The following EEPD1 variants were observed in gnomAD, a reference collection of about 807,000 sequenced individuals.
The protein encoded by EEPD1 is endonuclease/exonuclease/phosphatase family domain-containing protein 1.
EEPD1 carries 17 observed loss-of-function variants against 46.3 expected under a neutral mutation model. The ratio of observed to expected loss-of-function variants is 0.37; its 90% CI spans 0.25 to 0.55. The LOEUF (loss-of-function observed/expected upper bound fraction) is 0.55. Ranked by LOEUF, EEPD1 falls within the 20% of genes least tolerant of loss-of-function variation. The pLI is 0.83. For synonymous variants in EEPD1, 313 were observed against 315.6 expected (o/e 0.99, Z 0.09); for missense variants, 673 against 745.6 (o/e 0.90, Z 1.13).
chr7:36,160,688 C>A (rs1301901388), intron 2 of EEPD1, among the ~76,000 whole-genome samples: 1 of 107,326 alleles, frequency 9.3e-6, no homozygotes, highest in Non-Finnish European at 2.1e-5. Flanking sequence ...GGGGGCGGGG[C>A]GTGCATGGAG....
At chr7:36,175,006 G>A (rs990137294) in intron 2 of EEPD1, among the ~76,000 whole-genome samples, 14 of 152,302 alleles carry the variant, frequency 9.2e-5, no homozygotes, top group Admixed American at 4.6e-4. Flanking sequence ...GGAAAGTGAC[G>A]TACAGAAAAC....
At chr7:36,222,807 C>T (rs1786169564) in intron 2 of EEPD1, among the ~76,000 whole-genome samples, 1 of 152,064 alleles carries the variant, frequency 6.6e-6, no homozygotes, top group South Asian at 2.1e-4. Flanking sequence ...GTCACTAAAC[C>T]CTCATGTCCT....
chr7:36,265,380 G>T (rs527869060), intron 3 of EEPD1, among the ~76,000 whole-genome samples: 71 of 152,308 alleles, frequency 4.7e-4, no homozygotes, highest in African/African-American at 1.6e-3. Context: ...TGGGAGCCTG[G>T]CTGCCTAGAG....
intron 2 of EEPD1, among the ~76,000 whole-genome samples, chr7:36,175,141 A>G (rs1161651524): frequency 2.0e-5 from 3 of 152,200 alleles, no homozygotes; most frequent in East Asian, 1.9e-4. Flanking sequence ...GTTACAGTCT[A>G]TTGACACCTC....
chr7:36,298,901 C>A (rs1787569670), intron 7 of EEPD1, 106 bp from the exon 8 acceptor site: 2 of 1,362,738 alleles, frequency 1.5e-6, no homozygotes, highest in Non-Finnish European at 2.0e-6. Flanking sequence ...TCTCCGGGCA[C>A]CCCGGCCTGC....
intron 3 of EEPD1, among the ~76,000 whole-genome samples, chr7:36,243,824 A>G (rs1786594578): frequency 6.7e-6 from 1 of 149,948 alleles, no homozygotes; most frequent in African/African-American, 2.5e-5. Flanking sequence ...GCATGTTCTC[A>G]CTCATAGATG....
chr7:36,273,845 A>G (rs975742386), intron 3 of EEPD1, among the ~76,000 whole-genome samples: 1 of 152,170 alleles, frequency 6.6e-6, no homozygotes, highest in African/African-American at 2.4e-5. Context: ...CCTCTGAGGA[A>G]ACTTCCAAAG....
rs1042487389 is a variant in EEPD1 at position 36,300,458 on chromosome 7, A to C, written c.*1252A>C. ...GAGGGATGCAGACTCAGGTTTTGCT[A>C]TGTGCTCACATTTCAACTTTATGCT... On this transcript the variant is annotated 3_prime_UTR_variant, in exon 8 of 8. Coordinates refer to ENST00000242108, the MANE Select transcript of EEPD1 (RefSeq NM_030636.3). 2 of 152,262 alleles carry C rather than the reference A, an allele frequency of 1.3e-5. No homozygotes were observed. Among genetic ancestry groups the C allele is most frequent in the East Asian group, 1.9e-4 (1 of 5,198 alleles). 9.4% of individuals were successfully genotyped at this position (152,262 alleles called of 1,614,324 possible).
intron 2 of EEPD1, chr7:36,229,000 TAGAG>T (rs1369419159): frequency 1.3e-5 from 2 of 152,286 alleles, no homozygotes; most frequent in Non-Finnish European, 2.9e-5. Flanking sequence ...CTCTCTCCCT[TAGAG>T]AGAAAGGCTG....
intron 2 of EEPD1, among the ~76,000 whole-genome samples, chr7:36,174,526 CAT>C (rs1193084897): frequency 6.6e-6 from 1 of 152,214 alleles, no homozygotes; most frequent in Non-Finnish European, 1.5e-5. Flanking sequence ...CCTCCCTACC[CAT>C]GTTACACAGG....
chr7:36,284,920 T>G, intron 5 of EEPD1, 100 bp downstream of exon 5: 3 of 1,367,478 alleles, frequency 2.2e-6, no homozygotes, highest in Admixed American at 3.0e-5. Flanking sequence ...AAGTCTCGTC[T>G]TTTTGCCTTG....
chr7:36,280,501 C>G (rs1418323215), intron 3 of EEPD1, among the ~76,000 whole-genome samples: 2 of 152,240 alleles, frequency 1.3e-5, no homozygotes, highest in Non-Finnish European at 2.9e-5. Context: ...CCTCATCCTA[C>G]TGTGTGCAAT....
intron 2 of EEPD1, among the ~76,000 whole-genome samples, chr7:36,164,112 T>G (rs540946869): frequency 6.6e-6 from 1 of 152,244 alleles, no homozygotes; most frequent in Non-Finnish European, 1.5e-5. Flanking sequence ...AGCAAGGATA[T>G]TTGCAAAGCA....
chr7:36,158,948 A>G (rs1583777621), intron 2 of EEPD1, among the ~76,000 whole-genome samples: 2 of 152,264 alleles, frequency 1.3e-5, no homozygotes, highest in South Asian at 2.1e-4. Flanking sequence ...TGTGGCCTAC[A>G]TAAGAAGAGA....
intron 2 of EEPD1, among the ~76,000 whole-genome samples, chr7:36,158,586 T>C (rs1279183673): frequency 6.6e-6 from 1 of 152,172 alleles, no homozygotes; most frequent in African/African-American, 2.4e-5. Flanking sequence ...TATTTGATAA[T>C]CATACAGTCA....
intron 5 of EEPD1, 47 bp downstream of exon 5, chr7:36,284,867 A>C: frequency 7.0e-7 from 1 of 1,430,364 alleles, no homozygotes; most frequent in Non-Finnish European, 9.2e-7. Flanking sequence ...TTCTTTCTAA[A>C]AAGGAAAGAA....
chr7:36,286,894 G>A (rs1253344889), intron 5 of EEPD1, among the ~76,000 whole-genome samples: 1 of 152,052 alleles, frequency 6.6e-6, no homozygotes, highest in Admixed American at 6.6e-5. Flanking sequence ...GTCTCAAATT[G>A]CCTCAAGTGA....
chr7:36,189,497 A>G (rs1319535314), intron 2 of EEPD1, among the ~76,000 whole-genome samples: 2 of 152,178 alleles, frequency 1.3e-5, no homozygotes, highest in Non-Finnish European at 2.9e-5. Flanking sequence ...TCTTTTGTGA[A>G]GTTCTTTGAC....
intron 2 of EEPD1, among the ~76,000 whole-genome samples, chr7:36,159,753 TG>T (rs1320316219): frequency 1.3e-5 from 2 of 152,218 alleles, no homozygotes; most frequent in African/African-American, 2.4e-5. Context: ...TTCCCGTTTT[TG>T]TTCCTCTAAA....
Sources: gnomAD v4.1 joint callset for allele counts (sites outside exome capture counted in the v4.1 genomes callset) on GRCh38, gnomAD v4.1.1 for gene constraint, MANE v1.5 for transcripts, NCBI Gene and HGNC (gene_info 2026-07-23, HGNC 2026-07-21) for gene names.